The following IRAG2 variants were observed in gnomAD, a reference collection of about 807,000 sequenced individuals.
The protein encoded by IRAG2 is inositol 1,4,5-triphosphate receptor associated 2, also known as lymphoid restricted membrane protein.
Under a neutral mutation model 69.9 loss-of-function variants are expected in IRAG2, and 45 were observed. That is an observed-to-expected ratio of 0.64 (90% CI 0.51 to 0.83). The LOEUF is 0.83. Ranked by LOEUF, IRAG2 falls within the 40% of genes least tolerant of loss-of-function variation. The pLI is 0.00. For missense variants in IRAG2, 520 were observed against 587.0 expected (o/e 0.89, Z 1.18); for synonymous variants, 193 against 202.4 (o/e 0.95, Z 0.40).
chr12:25,053,976 A>T (rs1945051556), intron 1 of IRAG2, among the ~76,000 whole-genome samples: 1 of 152,218 alleles, frequency 6.6e-6, no homozygotes, highest in East Asian at 1.9e-4. Context: ...TCACCCCTGT[A>T]ATCCCAGCAT....
chr12:24,998,310 TTAA>T, the IRAG2 span, among the ~76,000 whole-genome samples: 19,498 of 152,192 alleles, frequency 0.13, 1,553 homozygotes, highest in Non-Finnish European at 0.19. Context: ...CTTGCATTTA[TTAA>T]TAATCAGAAA....
intron 5 of IRAG2, 118 bp downstream of exon 5, chr12:25,066,630 C>T (rs1945998296): frequency 2.5e-6 from 1 of 393,270 alleles, no homozygotes; most frequent in African/African-American, 2.1e-5. Context: ...TGTCGAACTT[C>T]TCTAACTTCC....
chr12:25,028,360 A>T (rs73078109), intron 9 of IRAG2, among the ~76,000 whole-genome samples: 3,473 of 152,258 alleles, frequency 0.023, 52 homozygotes, highest in East Asian at 0.085. Context: ...TTTTTATATT[A>T]TATGGCAATT....
chr12:25,019,643 G>A (rs1944562055), intron 6 of IRAG2, among the ~76,000 whole-genome samples: 1 of 152,140 alleles, frequency 6.6e-6, no homozygotes. Context: ...GTACAGGATA[G>A]GGGGCATGGT....
chr12:25,083,090 T>C (rs1187551407), intron 9 of IRAG2, among the ~76,000 whole-genome samples: 2 of 152,196 alleles, frequency 1.3e-5, no homozygotes, highest in East Asian at 1.9e-4. Flanking sequence ...TACCAATTGT[T>C]CATCCTTCCG....
chr12:25,107,910 G>C lies in IRAG2; in HGVS notation c.1350G>C (p.Leu450=). Residue 450 remains leucine (L), a synonymous_variant, in exon 22 of 22, where the codon CTG becomes CTC. Coordinates refer to ENST00000556887, the MANE Select transcript of IRAG2 (RefSeq NM_001366544.2). ...ALWLSIAFIV[L]FAALMSFLTG... ...GGCTCTCTATTGCATTCATTGTACT[G>C]TTTGCAGCTTTGATGAGCTTCCTCA... The C allele has an allele frequency of 6.2e-7, 1 of 1,614,180 alleles. No homozygotes were observed. The highest frequency in any genetic ancestry group is 8.5e-7 in the Non-Finnish European group (1 of 1,180,034).
upstream of IRAG2, among the ~76,000 whole-genome samples, chr12:25,049,763 A>C (rs1944825629): frequency 6.6e-6 from 1 of 151,528 alleles, no homozygotes; most frequent in Non-Finnish European, 1.5e-5. Flanking sequence ...GAGGCGGATC[A>C]CGAGGTCAGG....
chr12:25,022,804 G>T (rs981588737), intron 7 of IRAG2, among the ~76,000 whole-genome samples: 7 of 152,172 alleles, frequency 4.6e-5, no homozygotes, highest in African/African-American at 1.7e-4. Flanking sequence ...AAAAGCACAT[G>T]ATGTTATTTA....
chr12:25,040,543 A>G (rs1944740273), intron 16 of IRAG2, among the ~76,000 whole-genome samples: 1 of 152,180 alleles, frequency 6.6e-6, no homozygotes, highest in South Asian at 2.1e-4. Flanking sequence ...AAAGAAAAGA[A>G]AAAGAAAATA....
chr12:25,079,351 T>C, intron 7 of IRAG2, 47 bp from the exon 8 acceptor site: 2 of 1,610,184 alleles, frequency 1.2e-6, no homozygotes, highest in Non-Finnish European at 1.7e-6. Context: ...TTTAAGAGAA[T>C]TATTTGGACC....
At chr12:25,089,903 G>A in intron 13 of IRAG2, 113 bp downstream of exon 13, 1 of 1,322,730 alleles carries the variant, frequency 7.6e-7, no homozygotes, top group Non-Finnish European at 1.1e-6. Flanking sequence ...GTTTGGCTTG[G>A]CTGTGACTCA....
At chr12:25,007,484 C>G (rs1414423616) in intron 2 of IRAG2, among the ~76,000 whole-genome samples, 1 of 151,952 alleles carries the variant, frequency 6.6e-6, no homozygotes, top group Admixed American at 6.6e-5. Context: ...GTTTCGCTTT[C>G]CATCTGTTTT....
chr12:25,017,732 C>CA lies in IRAG2; in HGVS notation c.1214+450dup, dbSNP rs149796320. Among the ~76,000 whole-genome samples the CA allele has an allele frequency of 5.9e-3, 862 of 146,610 alleles. 3 individuals are homozygous for CA. The highest frequency in any genetic ancestry group is 9.1e-3 in the Non-Finnish European group (599 of 66,180). ...GACTCTGTCTCAAAAAAAAAACCAA[C>CA]AAAAAAAAAACTTGAGTATATTCTC... On this transcript the variant is annotated intron_variant, in intron 6 of 38. Coordinates refer to the IRAG2 transcript ENST00000636465.
At chr12:25,011,652 C>G (rs1944475565) in intron 3 of IRAG2, 1 of 793,428 alleles carries the variant, frequency 1.3e-6, no homozygotes, top group African/African-American at 1.8e-5. Context: ...ATACTATTGT[C>G]CAGTGCTTTA....
intron 3 of IRAG2, among the ~76,000 whole-genome samples, chr12:25,014,807 A>G (rs1251492659): frequency 6.6e-6 from 1 of 151,836 alleles, no homozygotes; most frequent in African/African-American, 2.4e-5. Context: ...TCCACTTACC[A>G]GTCCAACCTA....
upstream of IRAG2, chr12:25,052,134 AAGTTTG>A (rs1172511374): frequency 9.9e-5 from 39 of 394,536 alleles, no homozygotes; most frequent in Admixed American, 4.4e-5. Flanking sequence ...AAGTGGTGTT[AAGTTTG>A]AGTTTGTCAT....
intron 15 of IRAG2, among the ~76,000 whole-genome samples, chr12:25,099,954 C>T (rs1329836929): frequency 6.4e-5 from 8 of 124,182 alleles, no homozygotes; most frequent in Admixed American, 1.0e-4. Flanking sequence ...GAGCCGAGAT[C>T]GTGCCATTGC....
chr12:25,029,765 C>T (rs182253119), intron 9 of IRAG2, among the ~76,000 whole-genome samples: 3 of 152,164 alleles, frequency 2.0e-5, no homozygotes, highest in Non-Finnish European at 2.9e-5. Context: ...ACTGCACCTT[C>T]GAACTCTGGG....
At chr12:25,023,892 A>T in exon 8 of IRAG2, 1 of 1,228,350 alleles carries the variant, frequency 8.1e-7, no homozygotes, top group Non-Finnish European at 1.0e-6. Context: ...CCGGGCTCTG[A>T]TTCTTAAGAT....
Sources: allele counts gnomAD v4.1 joint callset (sites outside exome capture counted in the v4.1 genomes callset), GRCh38; gene constraint gnomAD v4.1.1; transcripts MANE v1.5; gene names NCBI Gene and HGNC (gene_info 2026-07-23, HGNC 2026-07-21).